TRDN: variants seen among roughly 807,000 people sequenced by gnomAD.
The protein encoded by TRDN is triadin.
Under a neutral mutation model 149.7 loss-of-function variants are expected in TRDN, and 161 were observed. The ratio of observed to expected loss-of-function variants is 1.08; its 90% CI spans 0.95 to 1.23. The LOEUF is 1.23. Ranked by LOEUF, TRDN falls within the 50% of genes most tolerant of loss-of-function variation. The pLI is 0.00. For missense variants in TRDN, 896 were observed against 823.5 expected, an observed-to-expected ratio of 1.09 and a Z score of -1.08; for synonymous variants, 294 against 250.5, an observed-to-expected ratio of 1.17 and a Z score of -1.64.
At chr6:123,501,782 T>C (rs767646608) in intron 8 of TRDN, 1 of 821,710 alleles carries the variant, frequency 1.2e-6, no homozygotes, top group African/African-American at 1.8e-5. Context: ...TTTTAATAGA[T>C]AAATAACTCT....
chr6:123,285,566 C>T (rs1196743247), intron 24 of TRDN, among the ~76,000 whole-genome samples: 1 of 152,036 alleles, frequency 6.6e-6, no homozygotes, highest in Non-Finnish European at 1.5e-5. Flanking sequence ...AAAACTAAGA[C>T]CTGAAACTAT....
intron 24 of TRDN, among the ~76,000 whole-genome samples, chr6:123,286,968 A>T (rs1777825259): frequency 6.6e-6 from 1 of 152,080 alleles, no homozygotes; most frequent in African/African-American, 2.4e-5. Context: ...TTCTCAAATG[A>T]TCCTGATGGC....
chr6:123,630,526 T>G (rs1785932972), intron 1 of TRDN, among the ~76,000 whole-genome samples: 1 of 152,006 alleles, frequency 6.6e-6, no homozygotes, highest in Non-Finnish European at 1.5e-5. Flanking sequence ...CTGAATAGCC[T>G]CAATTCATTT....
intron 12 of TRDN, among the ~76,000 whole-genome samples, chr6:123,403,529 GA>G (rs1252619751): frequency 2.6e-5 from 4 of 152,152 alleles, no homozygotes; most frequent in African/African-American, 9.7e-5. Flanking sequence ...AAAAGTCTGG[GA>G]AATGGGAAGA....
intron 2 of TRDN, among the ~76,000 whole-genome samples, chr6:123,557,274 G>A (rs931645246): frequency 5.3e-5 from 8 of 151,962 alleles, no homozygotes; most frequent in African/African-American, 1.2e-4. Context: ...ATTTGGTGCC[G>A]TGACTCGGAT....
In TRDN at chr6:123,551,203, G is replaced by GAT. The variant is rs10547981; in HGVS notation, c.233-2593_233-2592dup. ...TTAAATGCACTGTATGTATTTTGCA[G>GAT]ATATATATATATATATATATTGCCT... On this transcript the variant is annotated intron_variant, in intron 2 of 40. Coordinates refer to ENST00000334268, the MANE Select transcript of TRDN (RefSeq NM_006073.4). 4.2e-3 allele frequency among the ~76,000 whole-genome samples: 493 copies of GAT among 118,050 alleles called. 67 individuals carry two copies. The highest frequency in any genetic ancestry group is 5.9e-3 in the Non-Finnish European group (316 of 53,320). The allele number at this position is 118,050 out of a possible 152,430, so 77.4% of individuals were successfully genotyped here.
intron 12 of TRDN, among the ~76,000 whole-genome samples, chr6:123,394,380 CA>C (rs1772636207): frequency 6.6e-6 from 1 of 151,820 alleles, no homozygotes; most frequent in East Asian, 1.9e-4. Flanking sequence ...ATAAAAATTT[CA>C]AAAAATAACG....
Position 123,278,799 on chromosome 6 carries a change from A to G in TRDN, c.1537+257T>C, listed in dbSNP as rs1777469183. ...AATTTTTTTTGAGAAAATAATGGAA[A>G]TCTGAGCTGAGATTTTTAATGACAA... On this transcript the variant is annotated intron_variant, in intron 25 of 40. Coordinates refer to ENST00000334268, the MANE Select transcript of TRDN (RefSeq NM_006073.4). Among the ~76,000 whole-genome samples the G allele has an allele frequency of 2.0e-5, 3 of 152,182 alleles. No homozygotes were observed. In the South Asian group the frequency reaches 6.2e-4, roughly 31 times the overall value.
At chr6:123,275,075 G>A (rs1302475646) in intron 26 of TRDN, among the ~76,000 whole-genome samples, 3 of 152,080 alleles carry the variant, frequency 2.0e-5, no homozygotes, top group Non-Finnish European at 4.4e-5. Flanking sequence ...AGAGTTGGAA[G>A]AGACTCTTTG....
chr6:123,338,360 A>G (rs778927857), intron 21 of TRDN, among the ~76,000 whole-genome samples: 2 of 152,200 alleles, frequency 1.3e-5, no homozygotes, highest in Non-Finnish European at 2.9e-5. Flanking sequence ...TACAACCAAC[A>G]GAAGTGGAGG....
chr6:123,247,715 C>G (rs1190695503), intron 38 of TRDN, among the ~76,000 whole-genome samples: 1 of 152,134 alleles, frequency 6.6e-6, no homozygotes, highest in Non-Finnish European at 1.5e-5. Context: ...GGTCAAGCTA[C>G]CACAGACTTT....
chr6:123,499,463 G>A (rs959647838), intron 8 of TRDN, among the ~76,000 whole-genome samples: 3 of 151,256 alleles, frequency 2.0e-5, no homozygotes, highest in African/African-American at 7.3e-5. Flanking sequence ...CAGAACTTTC[G>A]GAGGCTGAGG....
rs973391602 is a variant in TRDN at position 123,319,590 on chromosome 6, C to T, written c.1472-3095G>A. On this transcript the variant is annotated intron_variant, in intron 23 of 40. Coordinates refer to ENST00000334268, the MANE Select transcript of TRDN (RefSeq NM_006073.4). Reference sequence around the variant, plus strand: ...ATACTGGCCATTGGGACTGGGAGGCCAGAGAGACAGCAGGCGAGCATTTAT... The same window carrying T: ...ATACTGGCCATTGGGACTGGGAGGCTAGAGAGACAGCAGGCGAGCATTTAT... Among the ~76,000 whole-genome samples the T allele has an allele frequency of 2.6e-5, 4 of 152,016 alleles. No homozygotes were observed. In the South Asian group the frequency reaches 8.3e-4, roughly 31 times the overall value.
intron 2 of TRDN, among the ~76,000 whole-genome samples, chr6:123,555,362 A>C (rs947134567): frequency 2.0e-5 from 3 of 152,186 alleles, no homozygotes; most frequent in African/African-American, 4.8e-5. Flanking sequence ...AAGTAAAGAC[A>C]AAATTAGAGA....
chr6:123,304,252 CTTTTTTTT>C (rs71649806), intron 24 of TRDN, among the ~76,000 whole-genome samples: 26 of 128,968 alleles, frequency 2.0e-4, no homozygotes, highest in African/African-American at 7.1e-4. Context: ...CTTTTATTTT[CTTTTTTTT>C]TTTTTTTTTT....
chr6:123,433,946 G>GT (rs1562310812), intron 12 of TRDN: 2 of 152,112 alleles, frequency 1.3e-5, no homozygotes, highest in Non-Finnish European at 2.9e-5. Context: ...TAGGTGAAAC[G>GT]TTATTTCTTC....
At chr6:123,351,476 A>T (rs1780461149) in intron 21 of TRDN, 1 of 983,842 alleles carries the variant, frequency 1.0e-6, no homozygotes, top group African/African-American at 1.7e-5. Flanking sequence ...AGAAACATCT[A>T]CTGAACTGTA....
At chr6:123,285,310 C>T (rs931232776) in intron 24 of TRDN, among the ~76,000 whole-genome samples, 5 of 152,004 alleles carry the variant, frequency 3.3e-5, no homozygotes, top group Admixed American at 3.3e-4. Context: ...GCCACAGTCA[C>T]CAAAACAGTG....
At chr6:123,401,840 G>A (rs1236295611) in intron 12 of TRDN, among the ~76,000 whole-genome samples, 1 of 151,812 alleles carries the variant, frequency 6.6e-6, no homozygotes, top group Non-Finnish European at 1.5e-5. Context: ...CCAGCTACTA[G>A]GAAGGCTGAG....
Sources: allele counts gnomAD v4.1 joint callset (sites outside exome capture counted in the v4.1 genomes callset), GRCh38; gene constraint gnomAD v4.1.1; transcripts MANE v1.5; gene names NCBI Gene and HGNC (gene_info 2026-07-23, HGNC 2026-07-21).